SMCHD1: variants seen among roughly 807,000 people sequenced by gnomAD.
SMCHD1 encodes structural maintenance of chromosomes flexible hinge domain-containing protein 1.
In SMCHD1, 78 loss-of-function variants were observed where a neutral mutation model predicts 254.7. That is an observed-to-expected ratio of 0.31 (90% CI 0.26 to 0.37). SMCHD1 has a LOEUF of 0.37. SMCHD1 is among the 10% of genes least tolerant of loss of function. SMCHD1 has a pLI of 1.00. For synonymous variants in SMCHD1, 766 were observed against 794.9 expected (o/e 0.96, Z 0.61); for missense variants, 1,840 against 2,408.1 (o/e 0.76, Z 4.94).
chr18:2,670,926 T>G (rs1006902983), intron 3 of SMCHD1, among the ~76,000 whole-genome samples: 7 of 146,062 alleles, frequency 4.8e-5, no homozygotes, highest in Middle Eastern at 3.7e-3. Context: ...GAAAATTGAG[T>G]GAATCTTTTA....
chr18:2,765,697 T>TG lies in SMCHD1; in HGVS notation c.4719+1910dup, dbSNP rs552874123. 2.5e-4 allele frequency among the ~76,000 whole-genome samples: 38 copies of TG among 152,384 alleles called. No homozygotes were observed. The South Asian group carries it at 7.5e-3, about 30-fold the overall frequency. On this transcript the variant is annotated intron_variant, in intron 37 of 47. Transcript: ENST00000320876. ...CAGTGACTGCTCCTGTCAGTGTGTC[T>TG]GGTTTCCAGTCAGCCGCTTCCATGC...
At chr18:2,800,856 C>T (rs920517532) in intron 47 of SMCHD1, 1 of 152,098 alleles carries the variant, frequency 6.6e-6, no homozygotes, top group African/African-American at 2.4e-5. Flanking sequence ...TAGCCAGCAA[C>T]GTGAGAGACA....
intron 12 of SMCHD1, among the ~76,000 whole-genome samples, chr18:2,703,386 C>G (rs926670249): frequency 2.0e-5 from 3 of 152,112 alleles, no homozygotes; most frequent in African/African-American, 7.2e-5. Context: ...TCCTCCCAGG[C>G]AGTAAGGGTT....
chr18:2,715,414 C>A (rs2074774369), intron 17 of SMCHD1, among the ~76,000 whole-genome samples: 2 of 151,922 alleles, frequency 1.3e-5, no homozygotes, highest in Non-Finnish European at 2.9e-5. Context: ...TCTTGTAATT[C>A]CTTCCATGAA....
At chr18:2,685,192 C>G (rs1453025143) in intron 5 of SMCHD1, among the ~76,000 whole-genome samples, 1 of 149,844 alleles carries the variant, frequency 6.7e-6, no homozygotes, top group Non-Finnish European at 1.5e-5. Context: ...CTCTGCCTCC[C>G]GGGTTCACGC....
intron 28 of SMCHD1, among the ~76,000 whole-genome samples, chr18:2,742,437 C>T (rs1381740670): frequency 1.3e-5 from 2 of 152,148 alleles, no homozygotes; most frequent in Admixed American, 6.5e-5. Context: ...GCTTTTGGTT[C>T]AGAAGAGCTA....
intron 1 of SMCHD1, among the ~76,000 whole-genome samples, chr18:2,660,626 G>A (rs534984946): frequency 3.5e-4 from 53 of 151,882 alleles, no homozygotes; most frequent in African/African-American, 1.1e-3. Context: ...GGCACCAGCC[G>A]TCATGCCCGG....
At chr18:2,792,111 A>G (rs912830985) in intron 45 of SMCHD1, among the ~76,000 whole-genome samples, 2 of 152,230 alleles carry the variant, frequency 1.3e-5, no homozygotes, top group Non-Finnish European at 2.9e-5. Context: ...AAAAGAGTTC[A>G]TAGAGTTAGA....
intron 47 of SMCHD1, among the ~76,000 whole-genome samples, chr18:2,801,794 A>C (rs961004454): frequency 2.6e-5 from 4 of 152,178 alleles, no homozygotes; most frequent in African/African-American, 9.6e-5. Flanking sequence ...TTAAAGAAAA[A>C]TATTGCAAAT....
Position 2,698,026 on chromosome 18 carries a change from C to T in SMCHD1, c.1327C>T (p.Pro443Ser), listed in dbSNP as rs757884033. The T allele has an allele frequency of 6.2e-7, 1 of 1,608,954 alleles. No individual in the cohort carries two copies. The highest frequency in any genetic ancestry group is 8.5e-7 in the Non-Finnish European group (1 of 1,175,794). Reference protein sequence around the residue: ...LYDRETYPDDPCFPSKLKDED... With the variant: ...LYDRETYPDDSCFPSKLKDED... ...TGATAGAGAAACTTACCCTGATGAT[C>T]CATGCTTTCCATCAAGTATGTTAAT... The change falls in exon 10 of 48, where the codon CCA (proline) becomes TCA (serine). Residue 443 changes from proline (P) to serine (S), a missense_variant. Around this residue, in one of 9 missense-constraint regions of SMCHD1, gnomAD observed 498 missense variants for 743.5 expected, o/e 0.67. Coordinates refer to ENST00000320876, the MANE Select transcript of SMCHD1 (RefSeq NM_015295.3).
intron 5 of SMCHD1, among the ~76,000 whole-genome samples, chr18:2,677,600 G>A (rs534316588): frequency 6.6e-6 from 1 of 152,168 alleles, no homozygotes; most frequent in Non-Finnish European, 1.5e-5. Flanking sequence ...CTATCTCCTG[G>A]CAATCACTAA....
chr18:2,762,548 G>A (rs561356859), intron 36 of SMCHD1, among the ~76,000 whole-genome samples: 1 of 144,302 alleles, frequency 6.9e-6, no homozygotes, highest in South Asian at 2.2e-4. Context: ...GGCTGGAGTA[G>A]CATGGCACAA....
chr18:2,732,010 C>CA (rs949938156), intron 24 of SMCHD1, among the ~76,000 whole-genome samples: 34 of 151,068 alleles, frequency 2.3e-4, no homozygotes, highest in South Asian at 8.3e-4. Flanking sequence ...GACTCTGTCT[C>CA]AAAAAAAATA....
At chr18:2,770,778 G>T (rs556504413) in intron 39 of SMCHD1, among the ~76,000 whole-genome samples, 1 of 152,054 alleles carries the variant, frequency 6.6e-6, no homozygotes, top group East Asian at 1.9e-4. Flanking sequence ...ATGCCACCAC[G>T]CCTGGCTGAT....
chr18:2,718,335 A>C lies in SMCHD1; in HGVS notation c.2359A>C (p.Asn787His). ...TCCAGAAAATATTCAGAAGTTGGGG[A>C]ATTATACCTTGAAATTACAAGTTGT... is the stretch of plus-strand genomic sequence containing the variant. Reference protein sequence around the residue: ...KKMENIQKLGNYTLKLQVVLN... With the variant: ...KKMENIQKLGHYTLKLQVVLN... Residue 787 changes from asparagine (N) to histidine (H), a missense_variant, in exon 19 of 48, where the codon AAT becomes CAT. Around this residue, in one of 9 missense-constraint regions of SMCHD1, gnomAD observed 59 missense variants for 99.2 expected, o/e 0.59. Transcript: ENST00000320876. The surrounding 1 kb of genome is among the most constrained non-coding windows in gnomAD (Gnocchi z 4.6). 1 of 1,611,296 alleles carries C rather than the reference A, an allele frequency of 6.2e-7. No homozygotes were observed. The highest frequency in any genetic ancestry group is 8.5e-7 in the Non-Finnish European group (1 of 1,177,958).
chr18:2,722,567 G>A lies in SMCHD1; in HGVS notation c.2507G>A (p.Arg836His), dbSNP rs762661772. The stretch of plus-strand genomic sequence containing the variant: ...TTTGGTCTTCTGGATCTTCCTTTTC[G>A]TGTTGGAGTTCCATTTAATATCCCT... ...FSFGLLDLPF[R>H]VGVPFNIPLE... The change falls in exon 20 of 48, where the codon CGT becomes CAT. Residue 836 changes from arginine (R) to histidine (H), a missense_variant. Arg to His is a conservative substitution (Grantham distance 29). Around this residue, in one of 9 missense-constraint regions of SMCHD1, gnomAD observed 59 missense variants for 99.2 expected, o/e 0.59. Coordinates refer to ENST00000320876, the MANE Select transcript of SMCHD1 (RefSeq NM_015295.3). 34 of 1,613,030 alleles carry A rather than the reference G, an allele frequency of 2.1e-5. No homozygotes were observed. The African/African-American group carries it at 2.1e-4, about 10-fold the overall frequency.
intron 44 of SMCHD1, among the ~76,000 whole-genome samples, chr18:2,780,982 G>A (rs2076148702): frequency 6.6e-6 from 1 of 152,196 alleles, no homozygotes; most frequent in Admixed American, 6.5e-5. Flanking sequence ...AAGTGGAAGT[G>A]GGAACCTGGA....
At chr18:2,733,016 T>G (rs1175674488) in intron 25 of SMCHD1, among the ~76,000 whole-genome samples, 1 of 152,218 alleles carries the variant, frequency 6.6e-6, no homozygotes. Flanking sequence ...CATTTGTACC[T>G]TGATAGGGTT....
chr18:2,797,945 A>G (rs926775542), intron 47 of SMCHD1, among the ~76,000 whole-genome samples: 5 of 152,176 alleles, frequency 3.3e-5, no homozygotes, highest in African/African-American at 1.2e-4. Context: ...ATAGGGAATG[A>G]AAAAATGATG....
Sources: gnomAD v4.1 joint callset for allele counts (sites outside exome capture counted in the v4.1 genomes callset) on GRCh38, gnomAD v4.1.1 for gene constraint, gnomAD v4.1.1 regional missense constraint, Gnocchi (gnomAD v3.1) non-coding constraint, MANE v1.5 for transcripts, NCBI Gene and HGNC (gene_info 2026-07-23, HGNC 2026-07-21) for gene names.